The following ZFPM1 variants were observed in gnomAD, a reference collection of about 807,000 sequenced individuals.
ZFPM1 encodes the protein zinc finger protein ZFPM1.
A neutral mutation model predicts 46.3 loss-of-function variants in ZFPM1; 28 were observed. The observed-to-expected ratio is 0.60, with a 90% CI of 0.45 to 0.83. ZFPM1 has a LOEUF of 0.83. ZFPM1 is among the 40% of genes least tolerant of loss of function. The probability of loss-of-function intolerance (pLI) is 0.00; values close to 1 mark genes in which losing one functional copy is unlikely to be tolerated. For missense variants in ZFPM1, 1,878 were observed against 1,432.4 expected (o/e 1.31, Z -5.02); for synonymous variants, 957 against 675.9 (o/e 1.42, Z -6.45).
intron 1 of ZFPM1, among the ~76,000 whole-genome samples, chr16:88,461,232 CCCAGGGG>C (rs1347700387): frequency 9.1e-6 from 1 of 109,666 alleles, no homozygotes; most frequent in Non-Finnish European, 1.8e-5. Flanking sequence ...CTGGTGAGGA[CCCAGGGG>C]TGGGGCGGGA....
intron 3 of ZFPM1, among the ~76,000 whole-genome samples, chr16:88,503,962 C>G (rs1910516159): frequency 6.6e-6 from 1 of 152,018 alleles, no homozygotes; most frequent in African/African-American, 2.4e-5. Context: ...AGTGTCCTGA[C>G]ACTCTCGGTG....
rs762123321 is a variant in ZFPM1, at chr16:88,489,039, T to A, written c.154T>A (p.Ser52Thr). The stretch of plus-strand genomic sequence containing the variant: ...TGTTTTCCTCTCTGCAGATGTTAAC[T>A]CACCCCCACCGCTGCCGCCCCCCAC... ...APSPPSADVN[S>T]PPPLPPPTSP... Residue 52 changes from serine to threonine, a missense_variant, in exon 3 of 10, where the codon TCA becomes ACA. Coordinates refer to ENST00000319555, the MANE Select transcript of ZFPM1 (RefSeq NM_153813.3). The A allele has an allele frequency of 6.2e-7, 1 of 1,612,398 alleles. No homozygotes were observed.
At chr16:88,479,247 T>A (rs149112850) in intron 1 of ZFPM1, among the ~76,000 whole-genome samples, 122 of 152,184 alleles carry the variant, frequency 8.0e-4, no homozygotes, top group Middle Eastern at 6.8e-3. Flanking sequence ...CCCACTTTGA[T>A]GGCGGGGCTG....
chr16:88,521,523 G>A lies in ZFPM1; in HGVS notation c.403-5291G>A, dbSNP rs191736282. 3.4e-3 allele frequency among the ~76,000 whole-genome samples: 493 copies of A among 146,900 alleles called. 10 individuals carry two copies. The highest frequency in any genetic ancestry group is 8.2e-4 in the East Asian group (4 of 4,900). The stretch of plus-strand genomic sequence containing the variant: ...AACACCATGTTCCCTCCCCCGTGCT[G>A]TTCCCCCAACCCGTGCTGTTCCCTC... On this transcript the variant is annotated intron_variant, in intron 4 of 9. Coordinates refer to ENST00000319555, the MANE Select transcript of ZFPM1 (RefSeq NM_153813.3).
At position 88,469,572 on chromosome 16, in the gene ZFPM1, G is replaced by A. The variant is rs1908317750; in HGVS notation, c.40+15894G>A. On this transcript the variant is annotated intron_variant, in intron 1 of 9. Coordinates refer to ENST00000319555, the MANE Select transcript of ZFPM1 (RefSeq NM_153813.3). The surrounding 1 kb of genome is among the most constrained non-coding windows in gnomAD (Gnocchi z 4.3). Reference sequence around the variant, plus strand: ...ACAGGGGGCTTAGGACACCTTAGGGGGCATGCACCTGTGTTCTGCATCCAC... The same window carrying A: ...ACAGGGGGCTTAGGACACCTTAGGGAGCATGCACCTGTGTTCTGCATCCAC... Among the ~76,000 whole-genome samples the A allele has an allele frequency of 6.6e-6, 1 of 152,138 alleles. No homozygotes were observed. Among genetic ancestry groups the A allele is most frequent in the Admixed American group, 6.5e-5 (1 of 15,286 alleles).
At chr16:88,517,866 T>C (rs931217926) in intron 4 of ZFPM1, among the ~76,000 whole-genome samples, 3 of 146,762 alleles carry the variant, frequency 2.0e-5, no homozygotes, top group East Asian at 2.1e-4. Flanking sequence ...AAAGGAGGGG[T>C]GGATAGATGG....
intron 4 of ZFPM1, among the ~76,000 whole-genome samples, chr16:88,524,969 G>A (rs987978992): frequency 6.6e-6 from 1 of 152,210 alleles, no homozygotes; most frequent in African/African-American, 2.4e-5. Flanking sequence ...GCTTAGCTCT[G>A]CTCACCCGTT....
Position 88,533,680 on chromosome 16 carries a change from C to G in ZFPM1, c.1722C>G (p.Pro574=), listed in dbSNP as rs1179992175. The G allele has an allele frequency of 4.0e-6, 6 of 1,495,680 alleles. No individual in the cohort carries two copies. The highest frequency in any genetic ancestry group is 5.4e-6 in the Non-Finnish European group (6 of 1,117,642). The allele number at this position is 1,495,680 out of a possible 1,614,324, so 92.7% of individuals were successfully genotyped here. A position where few individuals can be genotyped will look rare whatever the true frequency, so the allele number is the denominator to read the frequency against. Residue 574 remains proline, a synonymous_variant, in exon 10 of 10, where the codon CCC becomes CCG. Transcript: ENST00000319555. The part of the protein sequence containing the change: ...GAQTGLFPGA[P]KGATCFECEI... ...AGACCGGGCTCTTCCCCGGGGCCCC[C>G]AAGGGCGCTACGTGCTTCGAGTGCG... is the stretch of plus-strand genomic sequence containing the variant.
chr16:88,533,994 ACC>A lies in ZFPM1; in HGVS notation c.2039_2040del (p.Pro680GlnfsTer396). On this transcript the variant is annotated frameshift_variant, in exon 10 of 10. Transcript: ENST00000319555. LOFTEE classifies it low-confidence loss of function (END_TRUNC). The stretch of plus-strand genomic sequence containing the variant: ...AGCTCCGTGGACGACGCGGAGGACG[ACC>A]CCAGCCGCACGCTGTGCGAGGCCTG... 2 of 1,352,490 alleles carry A rather than the reference ACC, an allele frequency of 1.5e-6. No individual in the cohort carries two copies. The highest frequency in any genetic ancestry group is 1.2e-5 in the South Asian group (1 of 80,384). 83.8% of individuals were successfully genotyped at this position (1,352,490 alleles called of 1,614,324 possible).
chr16:88,525,639 G>A (rs751567795), intron 4 of ZFPM1, among the ~76,000 whole-genome samples: 40 of 152,232 alleles, frequency 2.6e-4, no homozygotes, highest in Admixed American at 3.9e-4. Context: ...TCAGGGCACT[G>A]AGGCTGAGTC....
chr16:88,474,408 C>G (rs1415536031), intron 1 of ZFPM1, among the ~76,000 whole-genome samples: 2 of 152,174 alleles, frequency 1.3e-5, no homozygotes, highest in South Asian at 4.1e-4. Flanking sequence ...CCCAGCAGCC[C>G]AGGGACCCTA....
chr16:88,486,969 C>A (rs1909267591), intron 2 of ZFPM1, among the ~76,000 whole-genome samples: 1 of 152,180 alleles, frequency 6.6e-6, no homozygotes, highest in Non-Finnish European at 1.5e-5. Context: ...AGTGGGGGTC[C>A]CACCCAGGTC....
At chr16:88,454,137 A>G (rs981809912) in intron 1 of ZFPM1, among the ~76,000 whole-genome samples, 2 of 152,132 alleles carry the variant, frequency 1.3e-5, no homozygotes, top group African/African-American at 4.8e-5. Flanking sequence ...CAGGCTTTGT[A>G]TCTAGAAGCG....
At chr16:88,466,406 C>G (rs1285640889) in intron 1 of ZFPM1, among the ~76,000 whole-genome samples, 2 of 152,198 alleles carry the variant, frequency 1.3e-5, no homozygotes, top group African/African-American at 4.8e-5. Flanking sequence ...CAGAAGGGAC[C>G]CTGGCTTCTG....
chr16:88,470,974 C>T (rs1049852834), intron 1 of ZFPM1, among the ~76,000 whole-genome samples: 13 of 152,260 alleles, frequency 8.5e-5, no homozygotes, highest in Middle Eastern at 3.4e-3. Context: ...GACGCACTGA[C>T]CCAGGGCCCA....
At chr16:88,518,906 G>T (rs1911562838) in intron 4 of ZFPM1, among the ~76,000 whole-genome samples, 1 of 148,636 alleles carries the variant, frequency 6.7e-6, no homozygotes, top group Admixed American at 6.7e-5. Context: ...ATGGATGGAA[G>T]GATGGATAGT....
intron 3 of ZFPM1, among the ~76,000 whole-genome samples, chr16:88,503,435 G>A (rs112916802): frequency 9.5e-6 from 1 of 105,610 alleles, no homozygotes; most frequent in African/African-American, 4.3e-5. Flanking sequence ...CCACGGTTCC[G>A]GAGTGGAGGG....
chr16:88,534,060 A>G lies in ZFPM1; in HGVS notation c.2102A>G (p.His701Arg). Reference protein sequence around the residue: ...RFSRHETYTVHKRYYCASRHD... With the variant: ...RFSRHETYTVRKRYYCASRHD... ...AGCCGCCACGAGACCTACACCGTGCACAAGCGGTACTACTGCGCCTCGCGC... is the reference window on the plus strand; with the variant it reads ...AGCCGCCACGAGACCTACACCGTGCGCAAGCGGTACTACTGCGCCTCGCGC... Residue 701 changes from histidine (H) to arginine (R), a missense_variant, in exon 10 of 10, where the codon CAC becomes CGC. Transcript: ENST00000319555. 4 of 1,307,532 alleles carry G rather than the reference A, an allele frequency of 3.1e-6. No homozygotes were observed. Among genetic ancestry groups the G allele is most frequent in the Non-Finnish European group, 4.0e-6 (4 of 1,009,682 alleles). The allele number at this position is 1,307,532 out of a possible 1,614,324, so 81.0% of individuals were successfully genotyped here.
Position 88,489,289 on chromosome 16 carries a change from T to C in ZFPM1, c.268+136T>C, listed in dbSNP as rs983468298. 3.0e-6 allele frequency: 4 copies of C among 1,354,060 alleles called. No individual in the cohort carries two copies. The African/African-American group carries it at 5.9e-5, about 20-fold the overall frequency. 83.9% of individuals were successfully genotyped at this position (1,354,060 alleles called of 1,614,324 possible). On this transcript the variant is annotated intron_variant, in intron 3 of 9. Coordinates refer to ENST00000319555, the MANE Select transcript of ZFPM1 (RefSeq NM_153813.3). Reference sequence around the variant, plus strand: ...CCACCAGGCCCAGGCCTGTGCCTAGTCCAAAGCTCAGCCAACCCGTGCAGC... The same window carrying C: ...CCACCAGGCCCAGGCCTGTGCCTAGCCCAAAGCTCAGCCAACCCGTGCAGC...
Sources: allele counts gnomAD v4.1 joint callset (sites outside exome capture counted in the v4.1 genomes callset), GRCh38; gene constraint gnomAD v4.1.1; non-coding constraint Gnocchi (gnomAD v3.1); transcripts MANE v1.5; gene names NCBI Gene and HGNC (gene_info 2026-07-23, HGNC 2026-07-21).